The following TPCN1 variants were observed in gnomAD, a reference collection of about 807,000 sequenced individuals.
The protein encoded by TPCN1 is two pore segment channel 1.
In TPCN1, 52 loss-of-function variants were observed where a neutral mutation model predicts 108.8. The observed-to-expected ratio is 0.48, with a 90% CI of 0.38 to 0.60. The LOEUF (loss-of-function observed/expected upper bound fraction) is 0.60, where lower values mean the gene tolerates loss of function less well. Among genes scored for constraint, TPCN1 ranks in the 20% least tolerant of loss-of-function variants. The pLI, the probability that TPCN1 is intolerant of heterozygous loss-of-function variation, is 0.00. For missense variants in TPCN1, 806 were observed against 1,072.8 expected, an observed-to-expected ratio of 0.75 and a Z score of 3.47; for synonymous variants, 446 against 433.7, an observed-to-expected ratio of 1.03 and a Z score of -0.35.
intron 3 of TPCN1, among the ~76,000 whole-genome samples, 190 bp downstream of exon 3, chr12:113,260,682 G>C (rs752221967): frequency 1.3e-5 from 2 of 152,214 alleles, no homozygotes; most frequent in Non-Finnish European, 2.9e-5. Context: ...CTGTGCACCA[G>C]CTTGTCTTCA....
rs1956306894 is a variant in TPCN1, at chr12:113,292,711, C to T, written c.2114-223C>T. On this transcript the variant is annotated intron_variant, in intron 25 of 27. Transcript: ENST00000335509. ...CTTAGAGGCCCCTTCCTGAAACCCT[C>T]TGGCCCTGTAACAGCTGCCAGCTAG... is the stretch of plus-strand genomic sequence containing the variant. 1.2e-5 allele frequency: 6 copies of T among 506,458 alleles called. No individual in the cohort carries two copies. The South Asian group carries it at 1.9e-4, about 16-fold the overall frequency. 31.4% of individuals were successfully genotyped at this position (506,458 alleles called of 1,614,324 possible).
intron 2 of TPCN1, among the ~76,000 whole-genome samples, chr12:113,240,479 C>T (rs1290409770): frequency 6.6e-6 from 1 of 152,172 alleles, no homozygotes; most frequent in Non-Finnish European, 1.5e-5. Flanking sequence ...TCCTAAGTTG[C>T]AGTTTCTTCA....
Position 113,288,335 on chromosome 12 carries a change from A to G in TPCN1, c.1706+101A>G, listed in dbSNP as rs1732601327. On this transcript the variant is annotated intron_variant, in intron 20 of 27. Coordinates refer to ENST00000335509, the MANE Select transcript of TPCN1 (RefSeq NM_017901.6). This position sits in a 1 kb window ranked among gnomAD's most constrained non-coding sequence, Gnocchi z 4.8. ...GCAGTCGGGGGAAAGGAGTTCCACA[A>G]AGGACTGCAATCGAGGGCCTGACGG... The G allele has an allele frequency of 1.3e-6, 2 of 1,566,712 alleles. No homozygotes were observed. Among genetic ancestry groups the G allele is most frequent in the Non-Finnish European group, 1.7e-6 (2 of 1,159,340 alleles).
intron 10 of TPCN1, among the ~76,000 whole-genome samples, chr12:113,275,280 C>T (rs1955632662): frequency 6.6e-6 from 1 of 152,216 alleles, no homozygotes; most frequent in African/African-American, 2.4e-5. Flanking sequence ...CTCTGTCACC[C>T]AGGCTGGAGT....
chr12:113,245,033 C>G lies in TPCN1; in HGVS notation c.113-15335C>G, dbSNP rs537429627. ...AATCCCAACACTTTGAGAGGCTGAGCTGGGTGGATGACTTGAGCCCAGGAG... is the reference window on the plus strand; with the variant it reads ...AATCCCAACACTTTGAGAGGCTGAGGTGGGTGGATGACTTGAGCCCAGGAG... On this transcript the variant is annotated intron_variant, in intron 2 of 27. Transcript: ENST00000335509. Among the ~76,000 whole-genome samples, 3 of 151,840 alleles carry G rather than the reference C, an allele frequency of 2.0e-5. No individual in the cohort carries two copies. The East Asian group carries it at 5.8e-4, about 29-fold the overall frequency.
rs1955404280 is a variant in TPCN1, at chr12:113,269,395, G to A, written c.660-362G>A. Among the ~76,000 whole-genome samples, 1 of 152,212 alleles carries A rather than the reference G, an allele frequency of 6.6e-6. No homozygotes were observed. Among genetic ancestry groups the A allele is most frequent in the Admixed American group, 6.5e-5 (1 of 15,282 alleles). On this transcript the variant is annotated intron_variant, in intron 6 of 27. Transcript: ENST00000335509. The surrounding 1 kb of genome is among the most constrained non-coding windows in gnomAD (Gnocchi z 5.0). The stretch of plus-strand genomic sequence containing the variant: ...CCTTGAAACAGGCCCAGTGTCCCAG[G>A]ACTAAGTGGCCTTGAAATGTCTTCA...
At position 113,273,187 on chromosome 12, in the gene TPCN1, T is replaced by A; in HGVS notation, c.784-45T>A. On this transcript the variant is annotated intron_variant, in intron 8 of 27. Coordinates refer to ENST00000335509, the MANE Select transcript of TPCN1 (RefSeq NM_017901.6). This position sits in a 1 kb window ranked among gnomAD's most constrained non-coding sequence, Gnocchi z 4.0. ...TCACAGCCTGTTCCTGATGGCCGTG[T>A]GCTCTTGGCTGGTCCCGACTTCTCT... 6.3e-7 allele frequency: 1 copy of A among 1,589,134 alleles called. No individual in the cohort carries two copies. The highest frequency in any genetic ancestry group is 1.1e-5 in the South Asian group (1 of 90,574).
At chr12:113,282,504 C>T in intron 15 of TPCN1, among the ~76,000 whole-genome samples, 1 of 151,770 alleles carries the variant, frequency 6.6e-6, no homozygotes, top group East Asian at 1.9e-4. Context: ...AATCCCAGCA[C>T]TTCAGGAGGC....
chr12:113,264,154 G>A, intron 3 of TPCN1, among the ~76,000 whole-genome samples: 1 of 152,174 alleles, frequency 6.6e-6, no homozygotes, highest in Non-Finnish European at 1.5e-5. Context: ...TCATGGAGGT[G>A]GTAGTGAAAA....
chr12:113,224,617 T>C (rs574433717), intron 1 of TPCN1, among the ~76,000 whole-genome samples: 6 of 152,140 alleles, frequency 3.9e-5, no homozygotes, highest in Non-Finnish European at 8.8e-5. Context: ...AGGATGGTCT[T>C]GATCTCCTGA....
At chr12:113,225,325 C>T (rs933244107) in intron 1 of TPCN1, 2 of 444,150 alleles carry the variant, frequency 4.5e-6, no homozygotes, top group African/African-American at 2.0e-5. Context: ...TCCCAAAGCG[C>T]TGAGATTACA....
At chr12:113,277,177 G>C in intron 11 of TPCN1, 63 bp from the exon 12 acceptor site, 1 of 1,609,660 alleles carries the variant, frequency 6.2e-7, no homozygotes, top group Non-Finnish European at 8.5e-7. Flanking sequence ...AGTGGATCTG[G>C]AGTGGGTGCC....
At chr12:113,256,349 T>C (rs1348263988) in intron 2 of TPCN1, among the ~76,000 whole-genome samples, 1 of 151,940 alleles carries the variant, frequency 6.6e-6, no homozygotes, top group African/African-American at 2.4e-5. Flanking sequence ...TATGCATGTA[T>C]GTATGTATTT....
At position 113,221,484 on chromosome 12, in the gene TPCN1, G is replaced by C. The variant is rs1406502806; in HGVS notation, c.-268G>C. 9 of 309,534 alleles carry C rather than the reference G, an allele frequency of 2.9e-5. No homozygotes were observed. Among genetic ancestry groups the C allele is most frequent in the South Asian group, 2.0e-4 (8 of 40,230 alleles). The allele number at this position is 309,534 out of a possible 1,614,324, so 19.2% of individuals were successfully genotyped here. A position where few individuals can be genotyped will look rare whatever the true frequency, so the allele number is the denominator to read the frequency against. On this transcript the variant is annotated 5_prime_UTR_variant, in exon 1 of 28. Transcript: ENST00000335509. ...TAGGAGAGCTGGCGCAGCTGCCCTGGTGGCAGTGGCTGAAGTGGCGGCGGC... is the reference window on the plus strand; with the variant it reads ...TAGGAGAGCTGGCGCAGCTGCCCTGCTGGCAGTGGCTGAAGTGGCGGCGGC...
At chr12:113,259,870 G>T (rs1309024141) in intron 2 of TPCN1, among the ~76,000 whole-genome samples, 8 of 152,208 alleles carry the variant, frequency 5.3e-5, no homozygotes, top group Admixed American at 5.2e-4. Flanking sequence ...AGGAGGGCGT[G>T]GCTGTCAGCA....
chr12:113,285,785 T>C, intron 17 of TPCN1, 104 bp from the exon 18 acceptor site: 1 of 1,001,840 alleles, frequency 1.0e-6, no homozygotes, highest in South Asian at 1.3e-5. Flanking sequence ...GGAGGGCTTA[T>C]GGCCAGCAGG....
chr12:113,287,575 C>T (rs557032853), intron 19 of TPCN1, among the ~76,000 whole-genome samples: 48 of 152,324 alleles, frequency 3.2e-4, no homozygotes, highest in Middle Eastern at 3.4e-3. Flanking sequence ...TGAGGGGTCC[C>T]GAGGTCCTGT....
intron 2 of TPCN1, among the ~76,000 whole-genome samples, chr12:113,236,228 G>A (rs1254266383): frequency 6.6e-6 from 1 of 152,188 alleles, no homozygotes; most frequent in Admixed American, 6.5e-5. Flanking sequence ...GGTGCCTACT[G>A]TGTTTTGCCT....
chr12:113,254,628 A>T (rs970663901), intron 2 of TPCN1, among the ~76,000 whole-genome samples: 4 of 152,110 alleles, frequency 2.6e-5, no homozygotes, highest in Non-Finnish European at 5.9e-5. Context: ...CCGATTTTTA[A>T]TTTTTTTCAG....
Sources: allele counts gnomAD v4.1 joint callset (sites outside exome capture counted in the v4.1 genomes callset), GRCh38; gene constraint gnomAD v4.1.1; non-coding constraint Gnocchi (gnomAD v3.1); transcripts MANE v1.5; gene names NCBI Gene and HGNC (gene_info 2026-07-23, HGNC 2026-07-21).